The following NUDT3 variants were observed in gnomAD, a reference collection of about 807,000 sequenced individuals.
NUDT3 encodes diphosphoinositol polyphosphate phosphohydrolase 1.
In NUDT3, 9 loss-of-function variants were observed where a neutral mutation model predicts 23.6. The observed-to-expected ratio is 0.38, with a 90% confidence interval of 0.23 to 0.66. NUDT3 has a LOEUF of 0.66. Ranked by LOEUF, NUDT3 falls within the 30% of genes least tolerant of loss-of-function variation. The pLI is 0.52. For missense variants in NUDT3, 172 were observed against 218.5 expected (o/e 0.79, Z 1.34); for synonymous variants, 86 against 82.6 (o/e 1.04, Z -0.22).
chr6:34,365,688 G>T (rs959235504), intron 1 of NUDT3, among the ~76,000 whole-genome samples: 12 of 152,182 alleles, frequency 7.9e-5, no homozygotes, highest in African/African-American at 2.9e-4. Flanking sequence ...TGAGGCAAGA[G>T]GATCCCTTGA....
At chr6:34,322,711 A>G (rs566437912) in intron 2 of NUDT3, among the ~76,000 whole-genome samples, 8 of 152,378 alleles carry the variant, frequency 5.3e-5, no homozygotes, top group African/African-American at 1.9e-4. Context: ...ACATTTGAAT[A>G]TAGAGTCAAT....
At chr6:34,315,388 A>C (rs948481532) in intron 2 of NUDT3, among the ~76,000 whole-genome samples, 1 of 152,122 alleles carries the variant, frequency 6.6e-6, no homozygotes, top group African/African-American at 2.4e-5. Context: ...TATTCTATTC[A>C]CTCACCAGAG....
intron 1 of NUDT3, among the ~76,000 whole-genome samples, chr6:34,383,346 G>A (rs1005462131): frequency 2.0e-5 from 3 of 152,060 alleles, no homozygotes; most frequent in African/African-American, 7.2e-5. Context: ...TCAACTAATT[G>A]TATACAAAGG....
intron 2 of NUDT3, among the ~76,000 whole-genome samples, chr6:34,335,769 T>C (rs1053735396): frequency 6.6e-6 from 1 of 151,666 alleles, no homozygotes; most frequent in Non-Finnish European, 1.5e-5. Context: ...TTTTTTGTTT[T>C]TTAAGATGAG....
chr6:34,324,508 G>A (rs1233561095), intron 2 of NUDT3, among the ~76,000 whole-genome samples: 1 of 152,160 alleles, frequency 6.6e-6, no homozygotes, highest in Non-Finnish European at 1.5e-5. Context: ...GGCCTCAAGT[G>A]ATCCTCCTGC....
intron 1 of NUDT3, among the ~76,000 whole-genome samples, chr6:34,391,782 T>A (rs1432336246): frequency 8.6e-6 from 1 of 116,120 alleles, no homozygotes; most frequent in Non-Finnish European, 1.6e-5. Flanking sequence ...CTCACAGACA[T>A]ATAATCCCTC....
chr6:34,372,784 A>G (rs780572318), intron 1 of NUDT3, among the ~76,000 whole-genome samples: 2 of 151,994 alleles, frequency 1.3e-5, no homozygotes, highest in Non-Finnish European at 2.9e-5. Context: ...AGCCTGGGCA[A>G]CAAGAGCAAA....
intron 1 of NUDT3, among the ~76,000 whole-genome samples, chr6:34,360,292 C>T (rs961892573): frequency 1.3e-4 from 19 of 142,298 alleles, no homozygotes; most frequent in Non-Finnish European, 1.7e-4. Context: ...ACAAAACAAA[C>T]GCCGGGCACA....
At chr6:34,322,300 A>G (rs528659703) in intron 2 of NUDT3, among the ~76,000 whole-genome samples, 2 of 151,180 alleles carry the variant, frequency 1.3e-5, no homozygotes, top group East Asian at 1.9e-4. Context: ...GCACGATTTC[A>G]GCTCACTGCA....
chr6:34,351,216 A>AAAAAAAAAAAAAAAC (rs1561915130), intron 1 of NUDT3, among the ~76,000 whole-genome samples: 7 of 130,824 alleles, frequency 5.4e-5, no homozygotes, highest in African/African-American at 2.0e-4. Flanking sequence ...AAAAAAAAAA[A>AAAAAAAAAAAAAAAC]AAAAAAAAAA....
chr6:34,367,993 G>A (rs1215339454), intron 1 of NUDT3, among the ~76,000 whole-genome samples: 1 of 152,130 alleles, frequency 6.6e-6, no homozygotes, highest in African/African-American at 2.4e-5. Flanking sequence ...ACGAGGTCAG[G>A]AGTTCGAGAC....
At chr6:34,295,218 GCTTT>G (rs1012875336) in intron 3 of NUDT3, among the ~76,000 whole-genome samples, 5 of 151,382 alleles carry the variant, frequency 3.3e-5, no homozygotes, top group African/African-American at 1.2e-4. Flanking sequence ...TGTTGGTGTT[GCTTT>G]CTTTAAAAAA....
intron 2 of NUDT3, among the ~76,000 whole-genome samples, chr6:34,297,550 GTTT>G (rs59167136): frequency 2.3e-5 from 3 of 131,350 alleles, no homozygotes; most frequent in Non-Finnish European, 4.9e-5. Context: ...AAAAGTCATT[GTTT>G]TTTTTTTTTT....
At chr6:34,375,610 T>C (rs1049629161) in intron 1 of NUDT3, among the ~76,000 whole-genome samples, 2 of 152,320 alleles carry the variant, frequency 1.3e-5, no homozygotes, top group South Asian at 2.1e-4. Context: ...AGAGTAAATA[T>C]GGTGAATAAC....
At chr6:34,338,659 C>T (rs1764245518) in intron 2 of NUDT3, among the ~76,000 whole-genome samples, 1 of 152,162 alleles carries the variant, frequency 6.6e-6, no homozygotes, top group African/African-American at 2.4e-5. Flanking sequence ...GCTTCACTTT[C>T]CCACAGAAAC....
chr6:34,322,510 T>C (rs573430448), intron 2 of NUDT3, among the ~76,000 whole-genome samples: 9 of 152,338 alleles, frequency 5.9e-5, no homozygotes, highest in Admixed American at 5.2e-4. Flanking sequence ...ACTACAGGCA[T>C]GAGCCACTGC....
At chr6:34,333,090 T>C (rs886377647) in intron 2 of NUDT3, among the ~76,000 whole-genome samples, 1 of 152,182 alleles carries the variant, frequency 6.6e-6, no homozygotes, top group Non-Finnish European at 1.5e-5. Flanking sequence ...CTAAAGCCCA[T>C]GGCAGGCCAT....
intron 2 of NUDT3, 109 bp from the exon 3 acceptor site, chr6:34,295,794 G>T: frequency 7.3e-7 from 1 of 1,361,088 alleles, no homozygotes. Context: ...AGAGGACACA[G>T]CTTGGGCAGA....
At position 34,392,297 on chromosome 6, in the gene NUDT3, T is replaced by G; in HGVS notation, c.66A>C (p.Ala22=). Residue 22 remains alanine, a synonymous_variant, in exon 1 of 5, where the codon GCA becomes GCC. Coordinates refer to ENST00000607016, the MANE Select transcript of NUDT3 (RefSeq NM_006703.4). The stretch of plus-strand genomic sequence containing the variant: ...CGCTCTCGCTGCGGAAACACAGGCA[T>G]GCGGCCCGCTTCTTGTAGCCGTCGC... ...YDGDGYKKRA[A]CLCFRSESEE... 1.2e-6 allele frequency: 2 copies of G among 1,605,556 alleles called. No homozygotes were observed. Among genetic ancestry groups the G allele is most frequent in the Non-Finnish European group, 1.7e-6 (2 of 1,177,484 alleles).
Sources: allele counts gnomAD v4.1 joint callset (sites outside exome capture counted in the v4.1 genomes callset), GRCh38; gene constraint gnomAD v4.1.1; transcripts MANE v1.5; gene names NCBI Gene and HGNC (gene_info 2026-07-23, HGNC 2026-07-21).